Variants in GNAS observed in about 807,000 individuals in gnomAD.
GNAS encodes the protein protein ALEX.
Under a neutral mutation model 54.5 loss-of-function variants are expected in GNAS, and 8 were observed. That is an observed-to-expected ratio of 0.15 (90% CI 0.09 to 0.26). The LOEUF is 0.26. GNAS is among the 10% of genes least tolerant of loss of function. GNAS has a pLI of 1.00. For synonymous variants in GNAS, 204 were observed against 191.4 expected (o/e 1.07, Z -0.54); for missense variants, 170 against 529.8 (o/e 0.32, Z 6.67).
In GNAS at chr20:58,886,005, G is replaced by C. The variant is rs569138988; in HGVS notation, c.44-9607G>C. Among the ~76,000 whole-genome samples, 4 of 152,308 alleles carry C rather than the reference G, an allele frequency of 2.6e-5. No individual in the cohort carries two copies. The East Asian group carries it at 7.7e-4, about 29-fold the overall frequency. ...ATGACCCCAACTAATGAAAGGCCAA[G>C]GATAACATTCTTGTCCAAAAACTGA... On this transcript the variant is annotated intron_variant, in intron 1 of 12. Coordinates refer to the GNAS transcript ENST00000306090.
At position 58,841,348 on chromosome 20, in the gene GNAS, C is replaced by T. The variant is rs1195067273; in HGVS notation, c.43+462C>T. 5 of 1,052,122 alleles carry T rather than the reference C, an allele frequency of 4.8e-6. No individual in the cohort carries two copies. The highest frequency in any genetic ancestry group is 8.2e-5 in the East Asian group (1 of 12,246). 65.2% of individuals were successfully genotyped at this position (1,052,122 alleles called of 1,614,324 possible). A position where few individuals can be genotyped will look rare whatever the true frequency, so the allele number is the denominator to read the frequency against. ...CCAACTTTCACGATGTGAGAGCAGC[C>T]GCGCTGTAGAGACACCGTTGAAATG... On this transcript the variant is annotated intron_variant, in intron 1 of 12. Coordinates refer to the GNAS transcript ENST00000306090. This position sits in a 1 kb window ranked among gnomAD's most constrained non-coding sequence, Gnocchi z 5.0.
upstream of GNAS, chr20:58,840,322 C>A (rs367861404): frequency 4.3e-6 from 7 of 1,612,954 alleles, no homozygotes; most frequent in Non-Finnish European, 5.1e-6. This position sits in a 1 kb window ranked among gnomAD's most constrained non-coding sequence, Gnocchi z 6.0. Flanking sequence ...ACCGCTCCGG[C>A]GCCCAGGTAT....
Position 58,857,698 on chromosome 20 carries a change from C to T in GNAS, c.43+16812C>T, listed in dbSNP as rs983911749. On this transcript the variant is annotated intron_variant, in intron 1 of 12. Transcript: ENST00000306090. This position sits in a 1 kb window ranked among gnomAD's most constrained non-coding sequence, Gnocchi z 4.1. Reference sequence around the variant, plus strand: ...TGGAGGAGACACAGTCTACTTACATCAGGACTGGAGACTTATACCATAGAT... The same window carrying T: ...TGGAGGAGACACAGTCTACTTACATTAGGACTGGAGACTTATACCATAGAT... 6.6e-6 allele frequency among the ~76,000 whole-genome samples: 1 copy of T among 152,198 alleles called. No individual in the cohort carries two copies. The highest frequency in any genetic ancestry group is 2.4e-5 in the African/African-American group (1 of 41,442).
intron 1 of GNAS, among the ~76,000 whole-genome samples, chr20:58,871,219 G>A (rs2087424060): frequency 6.6e-6 from 1 of 152,184 alleles, no homozygotes; most frequent in Non-Finnish European, 1.5e-5. Flanking sequence ...GAACGACTCA[G>A]AAATTAAAAC....
chr20:58,855,355 G>A (rs2086429217), intron 1 of GNAS: 5 of 1,553,582 alleles, frequency 3.2e-6, no homozygotes, highest in Non-Finnish European at 4.4e-6. Context: ...GACTCTGCCT[G>A]CGGGCAGCAG....
At chr20:58,894,694 A>G (rs1180877439) in intron 1 of GNAS, among the ~76,000 whole-genome samples, 1 of 152,204 alleles carries the variant, frequency 6.6e-6, no homozygotes, top group Non-Finnish European at 1.5e-5. Context: ...AAGATGATTT[A>G]AAATGGAGGC....
intron 6 of GNAS, among the ~76,000 whole-genome samples, chr20:58,907,011 G>GTATT (rs1489917417): frequency 2.6e-5 from 4 of 152,126 alleles, no homozygotes; most frequent in Admixed American, 2.6e-4. Flanking sequence ...GCTATAGGAA[G>GTATT]TATTAGCTAA....
chr20:58,903,970 TTAA>T (rs755342314), intron 5 of GNAS, among the ~76,000 whole-genome samples, 179 bp downstream of exon 5: 1 of 152,340 alleles, frequency 6.6e-6, no homozygotes, highest in African/African-American at 2.4e-5. Flanking sequence ...TAACCTTAAT[TTAA>T]TAATAATAAT....
chr20:58,892,177 T>C (rs1600984420), intron 1 of GNAS: 2 of 960,802 alleles, frequency 2.1e-6, no homozygotes, highest in South Asian at 5.3e-5. Context: ...TTCTCTCTTT[T>C]TCCGCGAGGC....
At chr20:58,887,310 T>C (rs1339239012), upstream of GNAS, among the ~76,000 whole-genome samples, 1 of 152,264 alleles carries the variant, frequency 6.6e-6, no homozygotes, top group East Asian at 1.9e-4. Context: ...CAAAAATGTC[T>C]GGCCTATTCT....
At position 58,898,705 on chromosome 20, in the gene GNAS, T is replaced by C. The variant is rs1013853547; in HGVS notation, c.213-236T>C. On this transcript the variant is annotated intron_variant, in intron 2 of 12. Coordinates refer to ENST00000371085, the MANE Select transcript of GNAS (RefSeq NM_000516.7). ...TCTCCGACCAGAGTCTCCAGAGAGC[T>C]CTGTTAATACTGCAGCAAAGGTGTG... 1.7e-5 allele frequency: 10 copies of C among 602,218 alleles called. No homozygotes were observed. In the African/African-American group the frequency reaches 1.7e-4, roughly 10 times the overall value. The allele number at this position is 602,218 out of a possible 1,614,324, so 37.3% of individuals were successfully genotyped here.
chr20:58,891,893 C>T (rs780385494), intron 1 of GNAS, 28 bp downstream of exon 1: 6 of 1,098,460 alleles, frequency 5.5e-6, no homozygotes, highest in South Asian at 4.6e-5. Context: ...GCGCCGGCCC[C>T]GGCCCGGGGG....
chr20:58,862,086 G>T (rs1323682114), intron 1 of GNAS, among the ~76,000 whole-genome samples: 1 of 152,128 alleles, frequency 6.6e-6, no homozygotes, highest in South Asian at 2.1e-4. Flanking sequence ...TTTTTAAAGG[G>T]TAACATGTTC....
At chr20:58,886,255 G>A (rs62205363) in intron 1 of GNAS, among the ~76,000 whole-genome samples, 4 of 152,174 alleles carry the variant, frequency 2.6e-5, no homozygotes, top group Admixed American at 6.5e-5. Context: ...GAAATGTTTC[G>A]AGGCCATATC....
chr20:58,871,613 G>GAA (rs757702769), intron 1 of GNAS, among the ~76,000 whole-genome samples: 40 of 32,628 alleles, frequency 1.2e-3, no homozygotes, highest in Non-Finnish European at 1.7e-3. Context: ...ATACTCCGTC[G>GAA]AAAAAAAAAA....
upstream of GNAS, among the ~76,000 whole-genome samples, chr20:58,890,452 C>T (rs1331085319): frequency 3.3e-5 from 5 of 151,872 alleles, no homozygotes; most frequent in Non-Finnish European, 7.4e-5. Context: ...CCGCTCAAGG[C>T]TGGCGCGCTG....
At chr20:58,880,071 G>C (rs546626755) in intron 1 of GNAS, among the ~76,000 whole-genome samples, 1 of 152,112 alleles carries the variant, frequency 6.6e-6, no homozygotes, top group South Asian at 2.1e-4. Context: ...CGTGTGCATA[G>C]CCAGTTTAGA....
intron 1 of GNAS, among the ~76,000 whole-genome samples, chr20:58,880,412 T>C (rs903123514): frequency 1.3e-5 from 2 of 152,212 alleles, no homozygotes; most frequent in Non-Finnish European, 2.9e-5. Context: ...AAAATGTGTT[T>C]TCAGCAGTTT....
intron 1 of GNAS, among the ~76,000 whole-genome samples, chr20:58,868,966 C>G (rs1451759117): frequency 2.0e-5 from 3 of 152,160 alleles, no homozygotes; most frequent in Non-Finnish European, 2.9e-5. Flanking sequence ...AAGGCAGAAC[C>G]CGCATCCCCC....
Sources: gnomAD v4.1 joint callset for allele counts (sites outside exome capture counted in the v4.1 genomes callset) on GRCh38, gnomAD v4.1.1 for gene constraint, Gnocchi (gnomAD v3.1) non-coding constraint, MANE v1.5 for transcripts, NCBI Gene and HGNC (gene_info 2026-07-23, HGNC 2026-07-21) for gene names.